The following PRKCE variants were observed in gnomAD, a reference collection of about 807,000 sequenced individuals.
PRKCE encodes the protein protein kinase C epsilon.
PRKCE carries 16 observed loss-of-function variants against 85.4 expected under a neutral mutation model. That is an observed-to-expected ratio of 0.19 (90% CI 0.13 to 0.28). The LOEUF (loss-of-function observed/expected upper bound fraction) is 0.28. Ranked by LOEUF, PRKCE falls within the 10% of genes least tolerant of loss-of-function variation. PRKCE has a pLI of 1.00. For synonymous variants in PRKCE, 388 were observed against 371.5 expected (o/e 1.04, Z -0.51); for missense variants, 573 against 975.2 (o/e 0.59, Z 5.49).
intron 2 of PRKCE, among the ~76,000 whole-genome samples, chr2:45,882,270 T>C (rs138882604): frequency 3.3e-5 from 5 of 152,344 alleles, no homozygotes; most frequent in Non-Finnish European, 7.4e-5. Flanking sequence ...TTTGTTTTCA[T>C]GTCAGTTGTC....
intron 2 of PRKCE, among the ~76,000 whole-genome samples, chr2:45,864,491 TA>T (rs35850665): frequency 0.36 from 54,404 of 151,846 alleles, 10,160 homozygotes; most frequent in East Asian, 0.52. Flanking sequence ...GTAATAGAAA[TA>T]TTTTTTTAAT....
At chr2:45,834,821 A>G (rs920528899) in intron 1 of PRKCE, among the ~76,000 whole-genome samples, 1 of 152,200 alleles carries the variant, frequency 6.6e-6, no homozygotes, top group Non-Finnish European at 1.5e-5. Context: ...TCTCCTATTC[A>G]TGGACATTTA....
At chr2:45,742,735 G>T (rs1318560528) in intron 1 of PRKCE, among the ~76,000 whole-genome samples, 2 of 152,172 alleles carry the variant, frequency 1.3e-5, no homozygotes, top group African/African-American at 2.4e-5. Context: ...CAGTATGGAG[G>T]TTCCTTTAAA....
intron 1 of PRKCE, among the ~76,000 whole-genome samples, chr2:45,767,039 T>A (rs201869955): frequency 6.8e-6 from 1 of 147,176 alleles, no homozygotes; most frequent in Non-Finnish European, 1.5e-5. Context: ...AAACTCAGTC[T>A]AAAAAAAAAA....
chr2:46,152,620 C>T (rs1676759431), intron 13 of PRKCE, among the ~76,000 whole-genome samples: 1 of 152,050 alleles, frequency 6.6e-6, no homozygotes, highest in South Asian at 2.1e-4. Context: ...GTGATCTCGG[C>T]TCACTGCAAC....
At chr2:46,182,107 C>G (rs574016059) in intron 14 of PRKCE, among the ~76,000 whole-genome samples, 2 of 152,184 alleles carry the variant, frequency 1.3e-5, no homozygotes, top group Non-Finnish European at 2.9e-5. Flanking sequence ...CCAGCTCCCC[C>G]GGCGTGGATG....
chr2:45,852,132 C>T (rs1162681769), intron 2 of PRKCE: 1 of 152,252 alleles, frequency 6.6e-6, no homozygotes, highest in Admixed American at 6.5e-5. Flanking sequence ...AGACAGAGTG[C>T]TTTCATTAGC....
At chr2:45,795,606 G>A (rs771688917) in intron 1 of PRKCE, among the ~76,000 whole-genome samples, 2 of 152,096 alleles carry the variant, frequency 1.3e-5, no homozygotes, top group South Asian at 2.1e-4. Context: ...CACTGCGCCC[G>A]GCCTGAACAT....
intron 2 of PRKCE, among the ~76,000 whole-genome samples, chr2:45,850,023 A>G (rs1692124482): frequency 6.6e-6 from 1 of 152,228 alleles, no homozygotes; most frequent in Admixed American, 6.5e-5. Context: ...ATGAGACATA[A>G]GCCAAGAAAC....
chr2:45,741,883 C>G (rs1403917349), intron 1 of PRKCE, among the ~76,000 whole-genome samples: 17 of 152,202 alleles, frequency 1.1e-4, no homozygotes, highest in Non-Finnish European at 2.9e-5. Context: ...TACCCAGGGT[C>G]TCTCCTTTAA....
At chr2:45,867,144 C>T (rs1693679193) in intron 2 of PRKCE, among the ~76,000 whole-genome samples, 2 of 152,166 alleles carry the variant, frequency 1.3e-5, no homozygotes, top group Admixed American at 6.5e-5. Flanking sequence ...GATTGTCCTG[C>T]TTGCCTCTCA....
In PRKCE at chr2:46,138,574, CTCTG is replaced by C. The variant is rs1048053550; in HGVS notation, c.1593-6514_1593-6511del. Among the ~76,000 whole-genome samples the C allele has an allele frequency of 3.3e-5, 5 of 152,170 alleles. No individual in the cohort carries two copies. Among genetic ancestry groups the C allele is most frequent in the African/African-American group, 1.2e-4 (5 of 41,436 alleles). On this transcript the variant is annotated intron_variant, in intron 11 of 14. Coordinates refer to ENST00000306156, the MANE Select transcript of PRKCE (RefSeq NM_005400.3). The surrounding 1 kb of genome is among the most constrained non-coding windows in gnomAD (Gnocchi z 4.2). ...TATAGCCAGGATGTGCTTTCCAAAT[CTCTG>C]TCTGGCTTAGTGATCCGGGCCAGGC...
In PRKCE at chr2:45,652,855, A is replaced by G. The variant is rs1206670614; in HGVS notation, c.348+407A>G. ...AAAGGCACGTGGAGCCTTTGACTGA[A>G]GGCTTCTTGCACGTCCTGGCTTTGT... On this transcript the variant is annotated intron_variant, in intron 1 of 14. Transcript: ENST00000306156. This position sits in a 1 kb window ranked among gnomAD's most constrained non-coding sequence, Gnocchi z 7.7. 6.6e-6 allele frequency among the ~76,000 whole-genome samples: 1 copy of G among 152,052 alleles called. No individual in the cohort carries two copies. Among genetic ancestry groups the G allele is most frequent in the Non-Finnish European group, 1.5e-5 (1 of 67,990 alleles).
chr2:45,910,615 G>A (rs761076945), intron 2 of PRKCE, among the ~76,000 whole-genome samples: 15 of 152,136 alleles, frequency 9.9e-5, no homozygotes, highest in Non-Finnish European at 1.8e-4. Context: ...AGTTTGTTAT[G>A]ATCATTAAAT....
At chr2:46,064,562 C>A (rs1574375166) in intron 10 of PRKCE, among the ~76,000 whole-genome samples, 1 of 152,236 alleles carries the variant, frequency 6.6e-6, no homozygotes, top group South Asian at 2.1e-4. Flanking sequence ...CAGCTTGCAC[C>A]AGAAGCAGAG....
At chr2:46,045,621 G>A (rs748811834) in intron 10 of PRKCE, among the ~76,000 whole-genome samples, 1 of 152,230 alleles carries the variant, frequency 6.6e-6, no homozygotes, top group African/African-American at 2.4e-5. Flanking sequence ...ACTCTCGCCT[G>A]TAATCCCAGC....
chr2:45,806,162 C>T (rs1302289557), intron 1 of PRKCE, among the ~76,000 whole-genome samples: 2 of 152,182 alleles, frequency 1.3e-5, no homozygotes, highest in South Asian at 2.1e-4. Flanking sequence ...TCTTAATCTA[C>T]ATCTACATCC....
chr2:45,658,739 A>G (rs984209595), intron 1 of PRKCE, among the ~76,000 whole-genome samples: 5 of 152,254 alleles, frequency 3.3e-5, no homozygotes, highest in South Asian at 2.1e-4. Context: ...TCATAGTTTT[A>G]GAATCTTAAA....
chr2:46,107,397 C>A (rs1175784679), intron 11 of PRKCE, among the ~76,000 whole-genome samples: 1 of 152,162 alleles, frequency 6.6e-6, no homozygotes, highest in Non-Finnish European at 1.5e-5. Flanking sequence ...AATCCCAGCA[C>A]TTTGGGAGGC....
Sources: gnomAD v4.1 joint callset for allele counts (sites outside exome capture counted in the v4.1 genomes callset) on GRCh38, gnomAD v4.1.1 for gene constraint, Gnocchi (gnomAD v3.1) non-coding constraint, MANE v1.5 for transcripts, NCBI Gene and HGNC (gene_info 2026-07-23, HGNC 2026-07-21) for gene names.